Variants in GALNT3 observed in about 807,000 individuals in gnomAD.
The protein encoded by GALNT3 is GalNAc transferase 3.
GALNT3 carries 51 observed loss-of-function variants against 69.8 expected under a neutral mutation model. That is an observed-to-expected ratio of 0.73 (90% CI 0.58 to 0.92). The LOEUF is 0.92. Ranked by LOEUF, GALNT3 falls within the 40% of genes least tolerant of loss-of-function variation. The probability of loss-of-function intolerance (pLI) is 0.00; values close to 1 mark genes in which losing one functional copy is unlikely to be tolerated. For missense variants in GALNT3, 711 were observed against 760.0 expected, an observed-to-expected ratio of 0.94 and a Z score of 0.76; for synonymous variants, 265 against 248.5, an observed-to-expected ratio of 1.07 and a Z score of -0.63.
At chr2:165,764,441 G>T (rs1688603298) in intron 3 of GALNT3, among the ~76,000 whole-genome samples, 1 of 152,046 alleles carries the variant, frequency 6.6e-6, no homozygotes, top group Admixed American at 6.5e-5. Context: ...AATTAGCTGT[G>T]GGTTTTCTCT....
In GALNT3 at chr2:165,759,330, T is replaced by G. The variant is rs1184387447; in HGVS notation, c.1073+6A>C. 6.2e-7 allele frequency: 1 copy of G among 1,606,070 alleles called. No individual in the cohort carries two copies. The highest frequency in any genetic ancestry group is 8.5e-7 in the Non-Finnish European group (1 of 1,173,292). On this transcript the variant is annotated splice_donor_region_variant and intron_variant, in intron 5 of 10. Transcript: ENST00000392701. ...AAATATAAGACTCTGAGAGCAATCA[T>G]CTTACTTAATTGGGTAGGTTTCATC...
Position 165,754,722 on chromosome 2 carries a change from T to G in GALNT3, c.1531A>C (p.Ser511Arg), listed in dbSNP as rs774436224. 6.8e-6 allele frequency: 11 copies of G among 1,610,144 alleles called. No individual in the cohort carries two copies. The highest frequency in any genetic ancestry group is 9.3e-6 in the Non-Finnish European group (11 of 1,177,630). Residue 511 changes from serine (S) to arginine (R), a missense_variant, in exon 9 of 11, where the codon AGC (serine) becomes CGC (arginine). Coordinates refer to ENST00000392701, the MANE Select transcript of GALNT3 (RefSeq NM_004482.4). ...TCCAGACATAGAGGCTGACCAACGCTTTTAATCTAAAGGAAAATTTTCAAG... is the reference window on the plus strand; with the variant it reads ...TCCAGACATAGAGGCTGACCAACGCGTTTAATCTAAAGGAAAATTTTCAAG... ...LNPVISGYIKSVGQPLCLDVG... is the reference protein window; with the variant it reads ...LNPVISGYIKRVGQPLCLDVG...
At chr2:165,754,254 A>G (rs1325390406) in intron 9 of GALNT3, among the ~76,000 whole-genome samples, 1 of 151,336 alleles carries the variant, frequency 6.6e-6, no homozygotes, top group Non-Finnish European at 1.5e-5. Flanking sequence ...CACGCCCGAC[A>G]AATTTTTGTA....
rs1226737489 is a variant in GALNT3, at chr2:165,766,305, G to A, written c.516-1249C>T. 2.0e-5 allele frequency among the ~76,000 whole-genome samples: 3 copies of A among 152,288 alleles called. No homozygotes were observed. In the East Asian group the frequency reaches 5.8e-4, roughly 29 times the overall value. On this transcript the variant is annotated intron_variant, in intron 2 of 10. Transcript: ENST00000392701. ...CATCTAAAACATTGATTGGGCACAG[G>A]GAGAGAGACCCTAAGTGCCCTTGAC...
At position 165,754,927 on chromosome 2, in the gene GALNT3, C is replaced by T. The variant is rs375879489; in HGVS notation, c.1524+5G>A. ...TAATTAAAAAAGGAACAGGAAAATA[C>T]TCACGTATCCAGATATAACAGGATT... On this transcript the variant is annotated splice_donor_5th_base_variant and intron_variant, in intron 8 of 10. Transcript: ENST00000392701. The T allele has an allele frequency of 9.9e-6, 16 of 1,613,232 alleles. No individual in the cohort carries two copies. The African/African-American group carries it at 1.7e-4, about 17-fold the overall frequency.
chr2:165,763,880 T>C (rs1488698361), intron 3 of GALNT3, among the ~76,000 whole-genome samples: 1 of 152,190 alleles, frequency 6.6e-6, no homozygotes, highest in East Asian at 1.9e-4. Flanking sequence ...CTGTGTGACC[T>C]TGGGCAAGGA....
chr2:165,787,667 A>C (rs750624565), intron 1 of GALNT3, among the ~76,000 whole-genome samples: 1 of 152,190 alleles, frequency 6.6e-6, no homozygotes, highest in African/African-American at 2.4e-5. Flanking sequence ...AGCCAAAAAG[A>C]GATGAAAGGA....
intron 1 of GALNT3, among the ~76,000 whole-genome samples, chr2:165,781,215 A>G (rs553521008): frequency 6.6e-6 from 1 of 152,232 alleles, no homozygotes; most frequent in East Asian, 1.9e-4. Flanking sequence ...TTCTACTTTG[A>G]TCATCATTAA....
At chr2:165,784,298 G>A (rs965705740) in intron 1 of GALNT3, among the ~76,000 whole-genome samples, 2 of 152,148 alleles carry the variant, frequency 1.3e-5, no homozygotes, top group Non-Finnish European at 2.9e-5. Context: ...TAATGAGAAC[G>A]GAAGTTTAGA....
At chr2:165,766,558 AG>A (rs1480088034) in intron 2 of GALNT3, among the ~76,000 whole-genome samples, 1 of 114,870 alleles carries the variant, frequency 8.7e-6, no homozygotes. Flanking sequence ...CATATAGGAG[AG>A]GGCTTCAAGT....
chr2:165,790,714 G>C (rs1305024350), intron 1 of GALNT3, among the ~76,000 whole-genome samples: 1 of 151,958 alleles, frequency 6.6e-6, no homozygotes, highest in Non-Finnish European at 1.5e-5. Flanking sequence ...TATCCAATCA[G>C]AGCTTCCAAG....
chr2:165,749,152 G>C (rs1558992271), intron 10 of GALNT3, among the ~76,000 whole-genome samples: 1 of 152,078 alleles, frequency 6.6e-6, no homozygotes, highest in Non-Finnish European at 1.5e-5. Flanking sequence ...TTTCAAACAA[G>C]AAGTATTCCC....
chr2:165,752,394 T>C (rs1688370890), intron 9 of GALNT3, among the ~76,000 whole-genome samples: 1 of 152,266 alleles, frequency 6.6e-6, no homozygotes, highest in Non-Finnish European at 1.5e-5. Flanking sequence ...AACTACATAT[T>C]TTTTTCTTTG....
At chr2:165,761,171 C>T (rs1051331401) in intron 4 of GALNT3, among the ~76,000 whole-genome samples, 2 of 151,668 alleles carry the variant, frequency 1.3e-5, no homozygotes, top group Admixed American at 6.6e-5. Context: ...AGTACTAGGA[C>T]GAAGTTTAAT....
At chr2:165,773,670 T>C (rs1243791226) in intron 1 of GALNT3, among the ~76,000 whole-genome samples, 1 of 151,884 alleles carries the variant, frequency 6.6e-6, no homozygotes, top group Non-Finnish European at 1.5e-5. Context: ...GCAGTAGAGA[T>C]GAAAATTTGA....
chr2:165,759,478 G>C lies in GALNT3; in HGVS notation c.931C>G (p.Leu311Val), dbSNP rs371852814. 6 of 1,613,916 alleles carry C rather than the reference G, an allele frequency of 3.7e-6. No homozygotes were observed. The African/African-American group carries it at 6.7e-5, about 18-fold the overall frequency. Reference protein sequence around the residue: ...VVSPDIASIDLNTFEFNKPSP... With the variant: ...VVSPDIASIDVNTFEFNKPSP... ...GGTTTGTTGAATTCAAACGTGTTCA[G>C]ATCTATGGATGCAATATCTGGACTT... Residue 311 changes from leucine to valine, a missense_variant, in exon 5 of 11, where the codon CTG becomes GTG. Transcript: ENST00000392701.
chr2:165,765,225 A>T (rs966387739), intron 2 of GALNT3, among the ~76,000 whole-genome samples, 169 bp from the exon 3 acceptor site: 13 of 152,148 alleles, frequency 8.5e-5, no homozygotes, highest in African/African-American at 3.1e-4. Flanking sequence ...AATCAAAACA[A>T]TTTTTTTACA....
chr2:165,759,441 C>T lies in GALNT3; in HGVS notation c.968G>A (p.Gly323Glu). 2 of 1,614,010 alleles carry T rather than the reference C, an allele frequency of 1.2e-6. No homozygotes were observed. Among genetic ancestry groups the T allele is most frequent in the East Asian group, 2.2e-5 (1 of 44,862 alleles). ...TFEFNKPSPY[G>E]SNHNRGNFDW... The stretch of plus-strand genomic sequence containing the variant: ...AAAATTTCCACGGTTATGGTTACTT[C>T]CATAAGGAGAAGGTTTGTTGAATTC... The change falls in exon 5 of 11, where the codon GGA (glycine) becomes GAA (glutamate). Residue 323 changes from glycine to glutamate, a missense_variant. Coordinates refer to ENST00000392701, the MANE Select transcript of GALNT3 (RefSeq NM_004482.4).
In GALNT3 at chr2:165,770,338, A is replaced by G; in HGVS notation, c.363T>C (p.Pro121=). ...LDRPPQDSNA[P]GASGKAFKTT... ...TCTTGAATGCTTTACCAGAAGCACC[A>G]GGTGCATTTGAATCCTGAGGTGGAC... Residue 121 remains proline (P), a synonymous_variant, in exon 2 of 11, where the codon CCT becomes CCC. Transcript: ENST00000392701. The G allele has an allele frequency of 2.5e-6, 4 of 1,614,208 alleles. No homozygotes were observed. Among genetic ancestry groups the G allele is most frequent in the South Asian group, 2.2e-5 (2 of 91,078 alleles).
Sources: gnomAD v4.1 joint callset for allele counts (sites outside exome capture counted in the v4.1 genomes callset) on GRCh38, gnomAD v4.1.1 for gene constraint, MANE v1.5 for transcripts, NCBI Gene and HGNC (gene_info 2026-07-23, HGNC 2026-07-21) for gene names.